Variants in SORD observed in about 807,000 individuals in gnomAD.
The protein encoded by SORD is (R,R)-butanediol dehydrogenase.
In SORD, 18 loss-of-function variants were observed where a neutral mutation model predicts 35.6. That is an observed-to-expected ratio of 0.51 (90% CI 0.35 to 0.75). The LOEUF (loss-of-function observed/expected upper bound fraction) is 0.75. Ranked by LOEUF, SORD falls within the 30% of genes least tolerant of loss-of-function variation. SORD has a pLI of 0.01. For missense variants in SORD, 250 were observed against 390.2 expected (o/e 0.64, Z 3.03); for synonymous variants, 106 against 152.9 (o/e 0.69, Z 2.26).
intron 3 of SORD, among the ~76,000 whole-genome samples, chr15:45,049,783 G>A (rs1489842843): frequency 1.3e-5 from 2 of 152,156 alleles, no homozygotes; most frequent in Non-Finnish European, 2.9e-5. Context: ...TCGCTGATTG[G>A]TTCACAGGAA....
intron 2 of SORD, among the ~76,000 whole-genome samples, 176 bp downstream of exon 2, chr15:45,040,617 T>G (rs1205856810): frequency 6.6e-6 from 1 of 152,198 alleles, no homozygotes; most frequent in Admixed American, 6.5e-5. Flanking sequence ...CATGACCTGG[T>G]GGGAAGTTTA....
chr15:45,042,185 A>G (rs188243920), intron 2 of SORD, among the ~76,000 whole-genome samples: 92 of 152,266 alleles, frequency 6.0e-4, no homozygotes, highest in African/African-American at 2.1e-3. Flanking sequence ...GCTCAGTACC[A>G]TCTTTATTTT....
chr15:45,045,544 CAAAAAAAAAAAAAAA>C (rs58487905), intron 3 of SORD, among the ~76,000 whole-genome samples: 4 of 62,822 alleles, frequency 6.4e-5, no homozygotes, highest in Non-Finnish European at 8.7e-5. Context: ...GACTCCATCT[CAAAAAAAAAAAAAAA>C]AAAAAAAAAA....
intron 1 of SORD, among the ~76,000 whole-genome samples, chr15:45,024,894 G>T (rs1452184300): frequency 1.3e-5 from 2 of 152,026 alleles, no homozygotes; most frequent in African/African-American, 4.8e-5. Context: ...ACGCCACAGG[G>T]AGGGGCCCTT....
intron 1 of SORD, among the ~76,000 whole-genome samples, chr15:45,026,899 C>A (rs1178660877): frequency 6.6e-6 from 1 of 152,232 alleles, no homozygotes; most frequent in Non-Finnish European, 1.5e-5. Context: ...TGTCCTTTAA[C>A]TGGCAGGAAG....
chr15:45,031,453 C>G (rs1025233454), intron 1 of SORD, among the ~76,000 whole-genome samples: 4 of 152,232 alleles, frequency 2.6e-5, no homozygotes, highest in African/African-American at 7.2e-5. Context: ...CTGTTCTTCT[C>G]CCAGCAGAAC....
intron 4 of SORD, among the ~76,000 whole-genome samples, chr15:45,062,405 GT>G (rs1382241128): frequency 4.6e-5 from 7 of 152,218 alleles, no homozygotes; most frequent in African/African-American, 1.7e-4. Context: ...GAGCTCTAGG[GT>G]GCCGAAGTGC....
intron 4 of SORD, among the ~76,000 whole-genome samples, 196 bp from the exon 5 acceptor site, chr15:45,065,075 G>A (rs1893382533): frequency 6.6e-6 from 1 of 152,184 alleles, no homozygotes; most frequent in African/African-American, 2.4e-5. Flanking sequence ...GGGAATGATA[G>A]TACCTACCAC....
intron 1 of SORD, among the ~76,000 whole-genome samples, chr15:45,025,124 G>C (rs1253106002): frequency 6.6e-6 from 1 of 152,206 alleles, no homozygotes; most frequent in Non-Finnish European, 1.5e-5. Context: ...GACTGGATTA[G>C]GGGCTAGGTT....
intron 3 of SORD, among the ~76,000 whole-genome samples, chr15:45,051,354 A>G (rs1443828664): frequency 1.3e-5 from 2 of 152,194 alleles, no homozygotes; most frequent in Non-Finnish European, 2.9e-5. Context: ...TGGCAATCCC[A>G]CGTAACTAAA....
chr15:45,037,200 C>T (rs79457997), intron 1 of SORD, among the ~76,000 whole-genome samples: 4,734 of 152,310 alleles, frequency 0.031, 199 homozygotes, highest in African/African-American at 0.091. Flanking sequence ...TGAACTTCTC[C>T]ATCAAGCGTG....
chr15:45,066,342 T>TA (rs1893404626), intron 5 of SORD, among the ~76,000 whole-genome samples: 1 of 151,956 alleles, frequency 6.6e-6, no homozygotes, highest in Non-Finnish European at 1.5e-5. Context: ...GACAGAGTCT[T>TA]ACTCTGTTGC....
At chr15:45,036,337 C>T (rs901018126) in intron 1 of SORD, 3 of 455,864 alleles carry the variant, frequency 6.6e-6, no homozygotes, top group Non-Finnish European at 1.3e-5. Context: ...AAAACTCACA[C>T]AACTATGGTA....
At chr15:45,059,992 G>A (rs1011720439) in intron 3 of SORD, among the ~76,000 whole-genome samples, 15 of 152,216 alleles carry the variant, frequency 9.9e-5, no homozygotes, top group African/African-American at 3.6e-4. Context: ...ACTGGGAACA[G>A]ATACAGAGGA....
rs1478666457 is a variant in SORD at position 45,032,256 on chromosome 15, T to C, written c.67-8152T>C. Among the ~76,000 whole-genome samples the C allele has an allele frequency of 2.6e-5, 4 of 151,288 alleles. No homozygotes were observed. In the Admixed American group the frequency reaches 2.6e-4, roughly 10 times the overall value. ...AACAATGTGAATATAGACAACAATA[T>C]TGAATTATACACTTAAAAAGATTTA... On this transcript the variant is annotated intron_variant, in intron 1 of 8. Transcript: ENST00000267814.
Position 45,065,312 on chromosome 15 carries a change from A to G in SORD, c.467A>G (p.Glu156Gly). The G allele has an allele frequency of 3.7e-6, 6 of 1,614,038 alleles. No homozygotes were observed. The highest frequency in any genetic ancestry group is 5.1e-6 in the Non-Finnish European group (6 of 1,179,922). ...NVTFEEGALI[E>G]PLSVGIHACR... is the part of the protein sequence containing the mutation. ...ACCTTTGAGGAAGGCGCCCTGATCG[A>G]GCCACTTTCTGTGGGGATCCATGCC... is the stretch of plus-strand genomic sequence containing the variant. The change falls in exon 5 of 9, where the codon GAG (glutamate) becomes GGG (glycine). Residue 156 changes from glutamate to glycine, a missense_variant. Transcript: ENST00000267814.
intron 3 of SORD, among the ~76,000 whole-genome samples, chr15:45,044,745 C>T (rs1374655202): frequency 1.4e-5 from 2 of 146,302 alleles, no homozygotes; most frequent in African/African-American, 5.1e-5. Context: ...GTCACCCAGG[C>T]TGGAGTGCAG....
intron 7 of SORD, 142 bp downstream of exon 7, chr15:45,069,194 CTTTTTTTTTTTTTTTTTTT>C (rs752540495): frequency 2.6e-5 from 3 of 115,138 alleles, no homozygotes; most frequent in South Asian, 3.6e-4. Flanking sequence ...TTTTCTTTTT[CTTTTTTTTTTTTTTTTTTT>C]TTTTTTTTTT....
chr15:45,035,785 C>T (rs1457435271), intron 1 of SORD, among the ~76,000 whole-genome samples: 1 of 152,094 alleles, frequency 6.6e-6, no homozygotes, highest in African/African-American at 2.4e-5. Flanking sequence ...ACGAGCCCAC[C>T]GGGAGGAACG....
Sources: gnomAD v4.1 joint callset for allele counts (sites outside exome capture counted in the v4.1 genomes callset) on GRCh38, gnomAD v4.1.1 for gene constraint, MANE v1.5 for transcripts, NCBI Gene and HGNC (gene_info 2026-07-23, HGNC 2026-07-21) for gene names.